The following LIPK variants were observed in gnomAD, a reference collection of about 807,000 sequenced individuals.
The protein encoded by LIPK is lipase family member K, also known as lipase member K.
LIPK carries 32 observed loss-of-function variants against 48.6 expected under a neutral mutation model. The observed-to-expected ratio is 0.66, with a 90% CI of 0.50 to 0.88. The LOEUF is 0.88. LIPK is among the 40% of genes least tolerant of loss of function. The pLI is 0.00. For missense variants in LIPK, 507 were observed against 478.5 expected (o/e 1.06, Z -0.56); for synonymous variants, 164 against 157.4 (o/e 1.04, Z -0.32).
At chr10:88,733,020 C>A (rs1163111811) in intron 6 of LIPK, among the ~76,000 whole-genome samples, 1 of 152,224 alleles carries the variant, frequency 6.6e-6, no homozygotes, top group Non-Finnish European at 1.5e-5. Flanking sequence ...AGTTCTTACT[C>A]ATAGGGCTAC....
chr10:88,751,812 T>G (rs1390226143), intron 9 of LIPK, among the ~76,000 whole-genome samples: 1 of 152,138 alleles, frequency 6.6e-6, no homozygotes, highest in Non-Finnish European at 1.5e-5. Flanking sequence ...AGATACTATA[T>G]TCTCAATGGC....
Position 88,732,550 on chromosome 10 carries a change from A to G in LIPK, c.668A>G (p.Lys223Arg). 1.2e-6 allele frequency: 2 copies of G among 1,601,320 alleles called. No homozygotes were observed. The highest frequency in any genetic ancestry group is 2.3e-5 in the South Asian group (2 of 87,814). Residue 223 changes from lysine to arginine, a missense_variant and splice_region_variant, in exon 6 of 10, where the codon AAG becomes AGG. Physicochemically the swap from Lys to Arg is conservative, Grantham distance 26. Coordinates refer to ENST00000404190, the MANE Select transcript of LIPK (RefSeq NM_001080518.2). ...ACAACCCTTTCCAGGCGAGTAGTTA[A>G]GGTATGTGACTTCCCAAGTTTTAAT... ...KLTTLSRRVV[K>R]VLFGDKMFHP...
intron 1 of LIPK, among the ~76,000 whole-genome samples, chr10:88,713,626 T>C (rs1259175465): frequency 4.6e-5 from 7 of 152,142 alleles, no homozygotes; most frequent in Non-Finnish European, 7.4e-5. Context: ...GGATTTTCTA[T>C]GTGCATCACC....
chr10:88,719,432 T>C (rs1294641984), intron 1 of LIPK, among the ~76,000 whole-genome samples: 8 of 152,202 alleles, frequency 5.3e-5, no homozygotes, highest in Admixed American at 5.2e-4. Flanking sequence ...TCATAGCCAG[T>C]TTTGCTCCCT....
At chr10:88,745,444 C>T (rs568719600) in intron 9 of LIPK, among the ~76,000 whole-genome samples, 9 of 152,148 alleles carry the variant, frequency 5.9e-5, no homozygotes, top group Non-Finnish European at 1.3e-4. Flanking sequence ...TCAGCAGAAA[C>T]CCTACAAGCC....
intron 6 of LIPK, among the ~76,000 whole-genome samples, chr10:88,733,274 T>C (rs1842505220): frequency 6.6e-6 from 1 of 152,210 alleles, no homozygotes; most frequent in Admixed American, 6.5e-5. Flanking sequence ...AGCTAACTAA[T>C]CTGATCATTT....
At chr10:88,717,413 A>G (rs1391746174) in intron 1 of LIPK, among the ~76,000 whole-genome samples, 2 of 152,094 alleles carry the variant, frequency 1.3e-5, no homozygotes, top group Admixed American at 1.3e-4. Flanking sequence ...TTTATGATTT[A>G]GTTATGCTGT....
At position 88,737,626 on chromosome 10, in the gene LIPK, A is replaced by G; in HGVS notation, c.670-9A>G. 1 of 1,612,798 alleles carries G rather than the reference A, an allele frequency of 6.2e-7. No homozygotes were observed. The highest frequency in any genetic ancestry group is 8.5e-7 in the Non-Finnish European group (1 of 1,179,284). The stretch of plus-strand genomic sequence containing the variant: ...GTAAGATTTGATGGTGTTTTAAATT[A>G]TCTTGTAGGTGTTGTTTGGTGACAA... On this transcript the variant is annotated splice_polypyrimidine_tract_variant and intron_variant, in intron 6 of 9. Transcript: ENST00000404190.
In LIPK at chr10:88,737,764, C is replaced by A. The variant is rs760205361; in HGVS notation, c.799C>A (p.Pro267Thr). ...CCTATTTACTCTGAGTGGATTTGAT[C>A]CGCAAAACTTAAATATGGTAGGTGT... ...NFLFTLSGFD[P>T]QNLNMSRLDV... Residue 267 changes from proline to threonine, a missense_variant, in exon 7 of 10, where the codon CCG becomes ACG. Pro to Thr is a conservative substitution (Grantham distance 38). Coordinates refer to ENST00000404190, the MANE Select transcript of LIPK (RefSeq NM_001080518.2). 1 of 1,613,626 alleles carries A rather than the reference C, an allele frequency of 6.2e-7. No individual in the cohort carries two copies. Among genetic ancestry groups the A allele is most frequent in the South Asian group, 1.1e-5 (1 of 91,062 alleles).
At position 88,735,776 on chromosome 10, in the gene LIPK, A is replaced by G. The variant is rs148878882; in HGVS notation, c.670-1859A>G. On this transcript the variant is annotated intron_variant, in intron 6 of 9. Coordinates refer to ENST00000404190, the MANE Select transcript of LIPK (RefSeq NM_001080518.2). ...TCCTCCAGAGCCAACTTGGAATTATATCTACAAGTTGGCATGTTTGCTACT... is the reference window on the plus strand; with the variant it reads ...TCCTCCAGAGCCAACTTGGAATTATGTCTACAAGTTGGCATGTTTGCTACT... Among the ~76,000 whole-genome samples the G allele has an allele frequency of 2.3e-3, 344 of 151,236 alleles. 1 individual carries two copies. Among genetic ancestry groups the G allele is most frequent in the African/African-American group, 7.4e-3 (306 of 41,198 alleles).
At chr10:88,715,832 T>G (rs1842106671) in intron 1 of LIPK, among the ~76,000 whole-genome samples, 1 of 151,978 alleles carries the variant, frequency 6.6e-6, no homozygotes, top group African/African-American at 2.4e-5. Context: ...GCCTGTTTTC[T>G]GCCTTATTCT....
At chr10:88,751,413 T>G (rs1201187688) in intron 9 of LIPK, among the ~76,000 whole-genome samples, 1 of 152,060 alleles carries the variant, frequency 6.6e-6, no homozygotes, top group Non-Finnish European at 1.5e-5. Context: ...AAAAATAAAG[T>G]CAGGGTCTCA....
intron 1 of LIPK, among the ~76,000 whole-genome samples, chr10:88,720,974 A>G (rs1842212894): frequency 6.6e-6 from 1 of 151,920 alleles, no homozygotes; most frequent in Non-Finnish European, 1.5e-5. Context: ...CTTGCAACCA[A>G]GGGTCACATC....
intron 9 of LIPK, 73 bp from the exon 10 acceptor site, chr10:88,752,444 G>T: frequency 9.1e-7 from 1 of 1,098,764 alleles, no homozygotes; most frequent in Non-Finnish European, 1.3e-6. Flanking sequence ...TTGCTCAACA[G>T]CTGACAGTTA....
intron 1 of LIPK, 46 bp from the exon 2 acceptor site, chr10:88,724,487 G>T (rs1842293711): frequency 2.5e-6 from 3 of 1,178,506 alleles, no homozygotes; most frequent in Non-Finnish European, 3.7e-6. Flanking sequence ...ATTTCACTTC[G>T]TAGAATTTAT....
chr10:88,712,586 T>A lies in LIPK; in HGVS notation c.-12+6266T>A, dbSNP rs541559597. 4.6e-5 allele frequency among the ~76,000 whole-genome samples: 7 copies of A among 152,288 alleles called. No homozygotes were observed. In the South Asian group the frequency reaches 1.4e-3, roughly 32 times the overall value. ...GTGAAAGTCATATCCTTGTTCCAGA[T>A]AATGTTTTTTTTTATTAATTCCAGG... On this transcript the variant is annotated intron_variant, in intron 1 of 9. Transcript: ENST00000404190.
chr10:88,721,047 T>C (rs1842214280), intron 1 of LIPK, among the ~76,000 whole-genome samples: 1 of 152,098 alleles, frequency 6.6e-6, no homozygotes, highest in Non-Finnish European at 1.5e-5. Flanking sequence ...AAAATCCTTA[T>C]ATGCATTAGC....
Position 88,752,521 on chromosome 10 carries a change from C to T in LIPK, c.965C>T (p.Thr322Ile), listed in dbSNP as rs200951684. 6.5e-7 allele frequency: 1 copy of T among 1,541,544 alleles called. No individual in the cohort carries two copies. Among genetic ancestry groups the T allele is most frequent in the Non-Finnish European group, 8.8e-7 (1 of 1,135,694 alleles). ...TCTCTCTTTTATTGTATTTAGCTTA[C>T]ACCTCCTTTATACAACATTACTAAG... ...DQNMMHFHQL[T>I]PPLYNITKME... The change falls in exon 10 of 10, where the codon ACA becomes ATA. Residue 322 changes from threonine to isoleucine, a missense_variant. Transcript: ENST00000404190.
chr10:88,743,337 T>C lies in LIPK; in HGVS notation c.960+16T>C. On this transcript the variant is annotated intron_variant, in intron 9 of 9. Coordinates refer to ENST00000404190, the MANE Select transcript of LIPK (RefSeq NM_001080518.2). ...CTTCCATCAGGTACAAAAATAATCC[T>C]CATAATCAGTTCCATGCTGCAAATG... The C allele has an allele frequency of 1.3e-6, 2 of 1,551,690 alleles. No individual in the cohort carries two copies. The highest frequency in any genetic ancestry group is 1.8e-6 in the Non-Finnish European group (2 of 1,137,584).
Sources: gnomAD v4.1 joint callset for allele counts (sites outside exome capture counted in the v4.1 genomes callset) on GRCh38, gnomAD v4.1.1 for gene constraint, MANE v1.5 for transcripts, NCBI Gene and HGNC (gene_info 2026-07-23, HGNC 2026-07-21) for gene names.